Variants in SLC35F4 observed in about 807,000 individuals in gnomAD.
SLC35F4 encodes the protein solute carrier family 35 member F4.
A neutral mutation model predicts 44.2 loss-of-function variants in SLC35F4; 24 were observed. The observed-to-expected ratio is 0.54, with a 90% CI of 0.39 to 0.76. The LOEUF (loss-of-function observed/expected upper bound fraction) is 0.76. SLC35F4 is among the 30% of genes least tolerant of loss of function. The pLI is 0.00. For missense variants in SLC35F4, 562 were observed against 586.1 expected (o/e 0.96, Z 0.42); for synonymous variants, 238 against 223.6 (o/e 1.06, Z -0.57).
intron 1 of SLC35F4, among the ~76,000 whole-genome samples, chr14:57,875,526 G>A (rs766157110): frequency 2.0e-5 from 3 of 152,210 alleles, no homozygotes; most frequent in Non-Finnish European, 4.4e-5. Context: ...TTATGCATTT[G>A]TGGTCAGCAG....
chr14:57,578,323 C>CTTTTT (rs2068952267), intron 4 of SLC35F4, among the ~76,000 whole-genome samples: 4 of 33,166 alleles, frequency 1.2e-4, no homozygotes, highest in East Asian at 5.8e-4. Flanking sequence ...ATCCCTTTAA[C>CTTTTT]TGTTTTTTTT....
intron 1 of SLC35F4, among the ~76,000 whole-genome samples, chr14:57,938,881 T>C (rs183612665): frequency 6.6e-6 from 1 of 152,344 alleles, no homozygotes; most frequent in East Asian, 1.9e-4. Flanking sequence ...TATATTCAGC[T>C]TCTGACATTC....
At chr14:57,939,811 G>C (rs930249987) in intron 1 of SLC35F4, among the ~76,000 whole-genome samples, 3 of 152,298 alleles carry the variant, frequency 2.0e-5, no homozygotes, top group Admixed American at 2.0e-4. Flanking sequence ...CCAAGTTATA[G>C]AGTAAGTTAC....
At chr14:57,668,980 T>C (rs1477412955) in intron 1 of SLC35F4, among the ~76,000 whole-genome samples, 10 of 152,094 alleles carry the variant, frequency 6.6e-5, no homozygotes, top group Non-Finnish European at 1.5e-4. Context: ...TGTTCTTCCA[T>C]TTGTTTGTAT....
intron 1 of SLC35F4, chr14:57,630,314 TAGA>T (rs1233093693): frequency 3.5e-6 from 2 of 575,780 alleles, no homozygotes; most frequent in Non-Finnish European, 6.5e-6. Flanking sequence ...ATTACAACTA[TAGA>T]AGGTCGTATA....
chr14:57,755,998 CTCTT>C (rs1313216142), intron 1 of SLC35F4, among the ~76,000 whole-genome samples: 2 of 152,318 alleles, frequency 1.3e-5, no homozygotes, highest in South Asian at 2.1e-4. Flanking sequence ...TGATGCCTTA[CTCTT>C]TCTGACTCTG....
intron 1 of SLC35F4, among the ~76,000 whole-genome samples, chr14:57,703,015 A>C (rs898395977): frequency 6.6e-5 from 10 of 152,110 alleles, no homozygotes; most frequent in Non-Finnish European, 1.5e-4. Context: ...TACAGTGTAG[A>C]TTGATTTTGC....
At position 57,847,132 on chromosome 14, in the gene SLC35F4, T is replaced by C. The variant is rs1284218770; in HGVS notation, c.103+18591A>G. On this transcript the variant is annotated intron_variant, in intron 1 of 7. Coordinates refer to ENST00000556826, the MANE Select transcript of SLC35F4 (RefSeq NM_001306087.2). ...GTTAATTTTGCCAGAGTTTTGGAAA[T>C]GTAAAAACAGAAACTGGCTAGGTAA... Among the ~76,000 whole-genome samples the C allele has an allele frequency of 2.0e-5, 3 of 152,252 alleles. 1 individual carries two copies. The highest frequency in any genetic ancestry group is 3.8e-4 in the East Asian group (2 of 5,202).
chr14:57,721,495 T>C (rs1212218538), intron 1 of SLC35F4, among the ~76,000 whole-genome samples: 5 of 152,152 alleles, frequency 3.3e-5, no homozygotes, highest in African/African-American at 9.7e-5. Flanking sequence ...TCTGCTAATA[T>C]CACCTTGAGT....
At chr14:57,751,807 A>C (rs529407190) in intron 1 of SLC35F4, among the ~76,000 whole-genome samples, 4 of 152,344 alleles carry the variant, frequency 2.6e-5, no homozygotes, top group African/African-American at 9.6e-5. Context: ...GAGGGCATTG[A>C]CAGTTTTTTG....
chr14:57,873,258 A>C (rs1195363202), intron 1 of SLC35F4, among the ~76,000 whole-genome samples: 2 of 152,038 alleles, frequency 1.3e-5, no homozygotes, highest in Non-Finnish European at 2.9e-5. Flanking sequence ...GCACCTCTCC[A>C]GTTGTGCTGT....
intron 1 of SLC35F4, among the ~76,000 whole-genome samples, chr14:57,645,167 G>T (rs1458524442): frequency 6.6e-6 from 1 of 152,130 alleles, no homozygotes; most frequent in Non-Finnish European, 1.5e-5. Flanking sequence ...CAAAGTCATT[G>T]GTAGCTTGAT....
At chr14:57,820,131 T>TA (rs1328297595) in intron 1 of SLC35F4, among the ~76,000 whole-genome samples, 1 of 152,196 alleles carries the variant, frequency 6.6e-6, no homozygotes, top group Non-Finnish European at 1.5e-5. Flanking sequence ...TTTTAGGTAT[T>TA]AAAATCCTAC....
intron 1 of SLC35F4, among the ~76,000 whole-genome samples, chr14:57,780,601 T>C (rs1306694807): frequency 5.9e-5 from 9 of 152,050 alleles, no homozygotes; most frequent in Admixed American, 5.9e-4. Flanking sequence ...AAAATTTCTA[T>C]GGAACTAGAA....
At chr14:57,798,001 C>T (rs1237206087) in intron 1 of SLC35F4, among the ~76,000 whole-genome samples, 3 of 151,438 alleles carry the variant, frequency 2.0e-5, no homozygotes, top group Non-Finnish European at 2.9e-5. Context: ...TACAATAGGT[C>T]GTCACTCATC....
At chr14:57,817,754 G>T (rs947186280) in intron 1 of SLC35F4, among the ~76,000 whole-genome samples, 1 of 152,112 alleles carries the variant, frequency 6.6e-6, no homozygotes, top group Non-Finnish European at 1.5e-5. Context: ...TGGTTAGAAT[G>T]ACCCGTTAAA....
chr14:57,566,332 C>A, intron 7 of SLC35F4, 143 bp downstream of exon 7: 1 of 678,102 alleles, frequency 1.5e-6, no homozygotes, highest in Non-Finnish European at 2.4e-6. Context: ...CTGTTGTCTG[C>A]CACCTTCATG....
At chr14:57,719,338 T>C (rs1391111781) in intron 1 of SLC35F4, among the ~76,000 whole-genome samples, 4 of 152,186 alleles carry the variant, frequency 2.6e-5, no homozygotes, top group Admixed American at 1.3e-4. Flanking sequence ...TTTAGGATTG[T>C]TTTTCCATTT....
At chr14:57,961,482 T>C (rs756548169) in intron 1 of SLC35F4, among the ~76,000 whole-genome samples, 7 of 152,146 alleles carry the variant, frequency 4.6e-5, no homozygotes, top group Non-Finnish European at 7.4e-5. Context: ...CCTGCATCCA[T>C]GCTTGTCCCT....
Sources: allele counts gnomAD v4.1 joint callset (sites outside exome capture counted in the v4.1 genomes callset), GRCh38; gene constraint gnomAD v4.1.1; transcripts MANE v1.5; gene names NCBI Gene and HGNC (gene_info 2026-07-23, HGNC 2026-07-21).